CCSER1: variants seen among roughly 807,000 people sequenced by gnomAD.
The protein encoded by CCSER1 is coiled-coil serine rich protein 1, also known as serine-rich coiled-coil domain-containing protein 1.
A neutral mutation model predicts 82.0 loss-of-function variants in CCSER1; 41 were observed. The ratio of observed to expected loss-of-function variants is 0.50; its 90% CI spans 0.39 to 0.65. The LOEUF (loss-of-function observed/expected upper bound fraction) is 0.65, where lower values mean the gene tolerates loss of function less well. CCSER1 is among the 30% of genes least tolerant of loss of function. CCSER1 has a pLI of 0.00. For missense variants in CCSER1, 1,119 were observed against 1,064.2 expected (o/e 1.05, Z -0.72); for synonymous variants, 414 against 383.9 (o/e 1.08, Z -0.92).
chr4:91,203,351 T>C (rs902558454), intron 10 of CCSER1, among the ~76,000 whole-genome samples: 2 of 151,986 alleles, frequency 1.3e-5, no homozygotes, highest in East Asian at 3.9e-4. Flanking sequence ...GAAATATTAC[T>C]GTTTGAAACA....
intron 3 of CCSER1, among the ~76,000 whole-genome samples, chr4:90,373,331 T>C (rs1055517335): frequency 2.0e-5 from 3 of 152,190 alleles, no homozygotes; most frequent in Non-Finnish European, 2.9e-5. Flanking sequence ...TAATGCTTTA[T>C]GGACTAAAAA....
At chr4:91,244,006 A>G (rs1280207281) in intron 10 of CCSER1, among the ~76,000 whole-genome samples, 1 of 152,150 alleles carries the variant, frequency 6.6e-6, no homozygotes, top group Non-Finnish European at 1.5e-5. Flanking sequence ...GCATTTCCTG[A>G]CCTTCCCTGG....
At chr4:91,091,392 T>C (rs1488188131) in intron 10 of CCSER1, among the ~76,000 whole-genome samples, 3 of 152,164 alleles carry the variant, frequency 2.0e-5, no homozygotes, top group South Asian at 4.1e-4. Flanking sequence ...ATGTTCCTTT[T>C]GGAATTACTA....
chr4:90,420,449 G>A (rs1436754115), intron 4 of CCSER1, among the ~76,000 whole-genome samples: 1 of 152,012 alleles, frequency 6.6e-6, no homozygotes, highest in Non-Finnish European at 1.5e-5. Context: ...GTAATAAAGA[G>A]ATGACTCTTA....
chr4:90,505,156 A>G (rs1770505003), intron 5 of CCSER1, among the ~76,000 whole-genome samples: 1 of 152,216 alleles, frequency 6.6e-6, no homozygotes, highest in South Asian at 2.1e-4. Context: ...TTTGGCACTA[A>G]GAACAGAAAA....
chr4:91,528,578 GA>G (rs1288944001), intron 10 of CCSER1, among the ~76,000 whole-genome samples: 1 of 152,140 alleles, frequency 6.6e-6, no homozygotes, highest in Non-Finnish European at 1.5e-5. Context: ...ATGGCATACA[GA>G]TATATATTTT....
At chr4:90,206,360 C>G (rs1738834563) in intron 1 of CCSER1, among the ~76,000 whole-genome samples, 2 of 152,170 alleles carry the variant, frequency 1.3e-5, no homozygotes, top group South Asian at 2.1e-4. Context: ...CCTCTAAACA[C>G]TGCTTTAGCT....
chr4:91,454,205 CAG>C (rs1756019490), intron 10 of CCSER1, among the ~76,000 whole-genome samples: 2 of 152,028 alleles, frequency 1.3e-5, no homozygotes, highest in African/African-American at 2.4e-5. Context: ...TTCTGGAAAT[CAG>C]AAGTCTGAAA....
chr4:90,720,157 G>GT (rs1742418443), intron 6 of CCSER1, among the ~76,000 whole-genome samples: 1 of 151,740 alleles, frequency 6.6e-6, no homozygotes, highest in Admixed American at 6.6e-5. Context: ...CTGTTCTTTT[G>GT]TTTTTTGAGT....
At chr4:90,574,516 C>T (rs1780512112) in intron 5 of CCSER1, among the ~76,000 whole-genome samples, 3 of 151,416 alleles carry the variant, frequency 2.0e-5, no homozygotes, top group Admixed American at 6.6e-5. Context: ...GATCCACCCG[C>T]CTCGGCCTCC....
intron 10 of CCSER1, among the ~76,000 whole-genome samples, chr4:91,367,773 G>A (rs1053097591): frequency 2.6e-5 from 4 of 151,974 alleles, no homozygotes; most frequent in African/African-American, 9.7e-5. Context: ...ATATCCCTTT[G>A]ATCACATGCC....
intron 8 of CCSER1, among the ~76,000 whole-genome samples, chr4:90,887,751 G>A (rs13125074): frequency 0.21 from 31,447 of 151,904 alleles, 3,487 homozygotes; most frequent in Non-Finnish European, 0.23. Context: ...GCGTGGTGGT[G>A]CGCACCTGTA....
intron 10 of CCSER1, among the ~76,000 whole-genome samples, chr4:91,555,343 A>G (rs1343385931): frequency 5.3e-5 from 8 of 151,168 alleles, no homozygotes. Context: ...AGGATAAGTT[A>G]CTGTATAGTT....
chr4:91,391,847 A>G (rs79506562), intron 10 of CCSER1, among the ~76,000 whole-genome samples: 4,768 of 152,126 alleles, frequency 0.031, 236 homozygotes, highest in African/African-American at 0.11. Flanking sequence ...TTCATTAAAT[A>G]TTTTTCAATT....
chr4:91,401,728 C>T (rs1752347526), intron 10 of CCSER1, among the ~76,000 whole-genome samples: 1 of 152,164 alleles, frequency 6.6e-6, no homozygotes, highest in Non-Finnish European at 1.5e-5. Flanking sequence ...AGGACATGAA[C>T]TCATCCTTTT....
chr4:91,301,442 T>C (rs899336099), intron 10 of CCSER1, among the ~76,000 whole-genome samples: 30 of 151,546 alleles, frequency 2.0e-4, no homozygotes, highest in African/African-American at 7.3e-4. Context: ...TAATAAGCAT[T>C]TTGATGCTGA....
chr4:90,596,844 C>T (rs985166263), intron 5 of CCSER1, among the ~76,000 whole-genome samples: 2 of 151,702 alleles, frequency 1.3e-5, no homozygotes, highest in African/African-American at 4.8e-5. Flanking sequence ...TTAAAAATTT[C>T]AAGTGTACTG....
intron 5 of CCSER1, among the ~76,000 whole-genome samples, chr4:90,562,536 TTTTA>T (rs1373151620): frequency 6.6e-6 from 1 of 151,990 alleles, no homozygotes; most frequent in Non-Finnish European, 1.5e-5. Context: ...ACATTTTATT[TTTTA>T]TTTATTTATT....
At chr4:91,278,448 G>T (rs1468477003) in intron 10 of CCSER1, among the ~76,000 whole-genome samples, 1 of 151,880 alleles carries the variant, frequency 6.6e-6, no homozygotes. Flanking sequence ...TTTTTGTCTT[G>T]ACTGAAAAGT....
Sources: gnomAD v4.1 joint callset for allele counts (sites outside exome capture counted in the v4.1 genomes callset) on GRCh38, gnomAD v4.1.1 for gene constraint, MANE v1.5 for transcripts, NCBI Gene and HGNC (gene_info 2026-07-23, HGNC 2026-07-21) for gene names.